DAB1: variants seen among roughly 807,000 people sequenced by gnomAD.
DAB1 encodes disabled homolog 1.
DAB1 carries 15 observed loss-of-function variants against 64.6 expected under a neutral mutation model. The ratio of observed to expected loss-of-function variants is 0.23; its 90% CI spans 0.16 to 0.36. The LOEUF is 0.36. DAB1 is among the 10% of genes least tolerant of loss of function. The probability of loss-of-function intolerance (pLI) is 1.00; values close to 1 mark genes in which losing one functional copy is unlikely to be tolerated. For missense variants in DAB1, 596 were observed against 706.7 expected (o/e 0.84, Z 1.78); for synonymous variants, 235 against 251.9 (o/e 0.93, Z 0.64).
At chr1:57,326,586 G>A (rs985744673) in intron 1 of DAB1, among the ~76,000 whole-genome samples, 15 of 152,166 alleles carry the variant, frequency 9.9e-5, no homozygotes, top group African/African-American at 3.6e-4. Flanking sequence ...AGACTGGGTG[G>A]CTTAAACAAC....
intron 3 of DAB1, chr1:58,481,229 G>C (rs540387191): frequency 1.2e-4 from 67 of 581,060 alleles, no homozygotes; most frequent in African/African-American, 1.0e-3. Context: ...AATGTATTCA[G>C]ATTGTTTCAG....
At chr1:57,782,761 C>T (rs1042521379) in intron 6 of DAB1, among the ~76,000 whole-genome samples, 1 of 152,106 alleles carries the variant, frequency 6.6e-6, no homozygotes, top group Non-Finnish European at 1.5e-5. Flanking sequence ...GTCACATTGT[C>T]GCTCAATATC....
At chr1:57,830,592 T>A (rs768234960) in intron 1 of DAB1, among the ~76,000 whole-genome samples, 47 of 152,054 alleles carry the variant, frequency 3.1e-4, no homozygotes, top group African/African-American at 6.0e-4. Flanking sequence ...ATGAAAAATA[T>A]ATATATATAT....
intron 7 of DAB1, among the ~76,000 whole-genome samples, chr1:57,534,354 C>T (rs1644700603): frequency 6.6e-6 from 1 of 152,156 alleles, no homozygotes; most frequent in African/African-American, 2.4e-5. Context: ...TGATGTGAGT[C>T]TGTGTTGGCT....
chr1:58,503,350 C>T (rs768391655), intron 3 of DAB1, among the ~76,000 whole-genome samples: 12 of 152,132 alleles, frequency 7.9e-5, no homozygotes, highest in African/African-American at 1.2e-4. Flanking sequence ...TGAAGAAATA[C>T]ATAATGTCCC....
At chr1:57,629,789 C>T (rs1035032223) in intron 7 of DAB1, among the ~76,000 whole-genome samples, 1 of 149,662 alleles carries the variant, frequency 6.7e-6, no homozygotes, top group Non-Finnish European at 1.5e-5. Flanking sequence ...CAGAAGGAGG[C>T]CTTCTAGACC....
At chr1:57,465,683 G>T (rs1034045623) in intron 7 of DAB1, among the ~76,000 whole-genome samples, 1 of 152,130 alleles carries the variant, frequency 6.6e-6, no homozygotes, top group East Asian at 1.9e-4. Flanking sequence ...TGTCAAAACT[G>T]GTATAATGAG....
chr1:57,693,727 GA>G (rs1344906639), intron 6 of DAB1, among the ~76,000 whole-genome samples: 1 of 152,152 alleles, frequency 6.6e-6, no homozygotes, highest in Admixed American at 6.5e-5. Flanking sequence ...CTTCATTCTT[GA>G]AGTCAGCGAG....
intron 7 of DAB1, among the ~76,000 whole-genome samples, chr1:57,547,689 T>A (rs974814341): frequency 6.6e-6 from 1 of 152,326 alleles, no homozygotes; most frequent in African/African-American, 2.4e-5. Flanking sequence ...CAATGTGGTA[T>A]CCTGGTTTGG....
chr1:57,707,059 A>G (rs758012419), intron 6 of DAB1, among the ~76,000 whole-genome samples: 51 of 152,190 alleles, frequency 3.4e-4, no homozygotes, highest in Non-Finnish European at 5.3e-4. Context: ...GGGCAACAAG[A>G]GTGAAACTCC....
At chr1:57,215,566 G>A (rs528619597) in intron 2 of DAB1, among the ~76,000 whole-genome samples, 1 of 152,146 alleles carries the variant, frequency 6.6e-6, no homozygotes. Context: ...GTGTTCAAGC[G>A]CTCTTTATAG....
At chr1:57,789,755 C>T (rs1022451406) in intron 6 of DAB1, among the ~76,000 whole-genome samples, 13 of 152,198 alleles carry the variant, frequency 8.5e-5, no homozygotes, top group Admixed American at 2.0e-4. Context: ...ACAGCCTTCA[C>T]GTACTCCTAT....
chr1:57,793,707 C>A (rs886635416), intron 6 of DAB1, among the ~76,000 whole-genome samples: 4 of 152,156 alleles, frequency 2.6e-5, no homozygotes, highest in African/African-American at 9.7e-5. Context: ...TTTCGCTATG[C>A]CTCAAAAACT....
intron 5 of DAB1, among the ~76,000 whole-genome samples, chr1:58,086,683 C>T (rs1358252956): frequency 1.3e-5 from 2 of 151,942 alleles, no homozygotes; most frequent in African/African-American, 2.4e-5. Flanking sequence ...ACCATGTTCT[C>T]ACATACCAGG....
intron 4 of DAB1, among the ~76,000 whole-genome samples, chr1:58,175,943 C>T (rs1468128353): frequency 6.6e-6 from 1 of 152,220 alleles, no homozygotes; most frequent in Non-Finnish European, 1.5e-5. Flanking sequence ...GAAGCATTCA[C>T]ATAGAAATCC....
chr1:57,989,177 C>T (rs950782345), intron 5 of DAB1, among the ~76,000 whole-genome samples: 7 of 152,128 alleles, frequency 4.6e-5, no homozygotes, highest in Admixed American at 2.6e-4. Flanking sequence ...GCTAATACCT[C>T]ATAGAGTAGG....
chr1:58,217,967 G>A (rs982958695), intron 4 of DAB1, among the ~76,000 whole-genome samples: 2 of 151,750 alleles, frequency 1.3e-5, no homozygotes, highest in African/African-American at 4.8e-5. Context: ...AGTATGAGTT[G>A]TTTCTTCAGC....
chr1:57,816,058 C>T (rs1462227480), intron 6 of DAB1, among the ~76,000 whole-genome samples: 1 of 152,144 alleles, frequency 6.6e-6, no homozygotes, highest in Non-Finnish European at 1.5e-5. Flanking sequence ...CTGCTGTGTG[C>T]CAACGTTTCC....
At chr1:58,029,682 T>C (rs1292615011) in intron 5 of DAB1, among the ~76,000 whole-genome samples, 19 of 152,194 alleles carry the variant, frequency 1.2e-4, no homozygotes, top group African/African-American at 2.4e-5. Context: ...AGAATGCTAA[T>C]AAAATGATCA....
Sources: gnomAD v4.1 joint callset for allele counts (sites outside exome capture counted in the v4.1 genomes callset) on GRCh38, gnomAD v4.1.1 for gene constraint, MANE v1.5 for transcripts, NCBI Gene and HGNC (gene_info 2026-07-23, HGNC 2026-07-21) for gene names.